Variants in NHSL1 observed in about 807,000 individuals in gnomAD.
The protein encoded by NHSL1 is NHS-like protein 1.
In NHSL1, 48 loss-of-function variants were observed where a neutral mutation model predicts 95.0. The observed-to-expected ratio is 0.51, with a 90% CI of 0.40 to 0.64. NHSL1 has a LOEUF of 0.64. NHSL1 is among the 30% of genes least tolerant of loss of function. NHSL1 has a pLI of 0.00. For synonymous variants in NHSL1, 783 were observed against 833.9 expected (o/e 0.94, Z 1.05); for missense variants, 1,971 against 2,077.7 (o/e 0.95, Z 1.00).
intron 1 of NHSL1, among the ~76,000 whole-genome samples, chr6:138,606,734 A>C (rs1583445829): frequency 1.6e-5 from 2 of 123,452 alleles, no homozygotes; most frequent in Admixed American, 1.1e-4. Flanking sequence ...ACAGAATCTC[A>C]CTCTGTTGCC....
chr6:138,482,176 T>C (rs879542223), intron 2 of NHSL1, among the ~76,000 whole-genome samples: 26 of 152,132 alleles, frequency 1.7e-4, no homozygotes, highest in Non-Finnish European at 3.2e-4. Context: ...AAGCCGGGCG[T>C]GGTGGCTCAC....
At chr6:138,617,531 A>G (rs780171558) in intron 1 of NHSL1, among the ~76,000 whole-genome samples, 1 of 152,220 alleles carries the variant, frequency 6.6e-6, no homozygotes, top group Non-Finnish European at 1.5e-5. Context: ...CCCTCTGTCC[A>G]GTATTTGTAT....
At chr6:138,520,895 T>C (rs1781652224) in intron 1 of NHSL1, among the ~76,000 whole-genome samples, 1 of 152,152 alleles carries the variant, frequency 6.6e-6, no homozygotes, top group Non-Finnish European at 1.5e-5. Flanking sequence ...AATGGGTGGA[T>C]TGGATATAAT....
chr6:138,486,502 G>A (rs2091798610), intron 2 of NHSL1, among the ~76,000 whole-genome samples: 1 of 151,878 alleles, frequency 6.6e-6, no homozygotes, highest in Non-Finnish European at 1.5e-5. Context: ...CCTCATCCTG[G>A]CTAAACTTTC....
chr6:138,616,005 C>T (rs150669624), intron 1 of NHSL1, among the ~76,000 whole-genome samples: 1 of 152,200 alleles, frequency 6.6e-6, no homozygotes, highest in Non-Finnish European at 1.5e-5. Flanking sequence ...GCCTGGGCAA[C>T]ATAGCAAGGC....
intron 1 of NHSL1, among the ~76,000 whole-genome samples, chr6:138,498,510 A>T (rs954855967): frequency 6.6e-6 from 1 of 152,212 alleles, no homozygotes; most frequent in Non-Finnish European, 1.5e-5. Flanking sequence ...TCATTTATCC[A>T]GTATAAGTCA....
chr6:138,516,490 T>C lies in NHSL1; in HGVS notation c.17-20119A>G, dbSNP rs1182335601. Among the ~76,000 whole-genome samples, 5 of 152,318 alleles carry C rather than the reference T, an allele frequency of 3.3e-5. No homozygotes were observed. In the South Asian group the frequency reaches 6.2e-4, roughly 19 times the overall value. On this transcript the variant is annotated intron_variant, in intron 1 of 4. Transcript: ENST00000342260. The stretch of plus-strand genomic sequence containing the variant: ...GATGACAAAGTGGGGTTTGTGGCAA[T>C]GGCTGTGGGAGATATGGCTAGAAAA...
intron 1 of NHSL1, among the ~76,000 whole-genome samples, chr6:138,531,804 T>G (rs1782146419): frequency 6.6e-6 from 1 of 152,214 alleles, no homozygotes; most frequent in Admixed American, 6.5e-5. Context: ...TGAGCCACAA[T>G]ACCTGGCTAA....
chr6:138,423,815 C>CAAAAA lies in NHSL1; in HGVS notation c.*261_*265dup, dbSNP rs56326954. ...GCACACATACACACCCAGCATTTAG[C>CAAAAA]AAAAAAAAAAAAAAAAAAAAAAAAT... On this transcript the variant is annotated 3_prime_UTR_variant, in exon 8 of 8. Transcript: ENST00000343505. 4.2e-4 allele frequency: 59 copies of CAAAAA among 139,100 alleles called. 1 individual carries two copies. Among genetic ancestry groups the CAAAAA allele is most frequent in the African/African-American group, 2.1e-3 (56 of 26,526 alleles). 8.6% of individuals were successfully genotyped at this position (139,100 alleles called of 1,614,324 possible).
intron 1 of NHSL1, among the ~76,000 whole-genome samples, chr6:138,677,715 T>C (rs750502875): frequency 1.3e-5 from 2 of 152,166 alleles, no homozygotes; most frequent in African/African-American, 4.8e-5. Context: ...CCTGGGCCAG[T>C]GGATACTGCA....
intron 1 of NHSL1, among the ~76,000 whole-genome samples, chr6:138,520,027 T>C (rs1406111281): frequency 1.3e-5 from 2 of 152,160 alleles, no homozygotes; most frequent in African/African-American, 4.8e-5. Context: ...CCATAACCGT[T>C]GGCATTCAGT....
intron 1 of NHSL1, among the ~76,000 whole-genome samples, chr6:138,517,812 C>T (rs562211221): frequency 1.2e-4 from 18 of 152,310 alleles, no homozygotes; most frequent in African/African-American, 3.8e-4. Flanking sequence ...GCCACTGAAG[C>T]AGCTCCCAGA....
At chr6:138,519,587 C>T (rs1214256874) in intron 1 of NHSL1, among the ~76,000 whole-genome samples, 2 of 152,152 alleles carry the variant, frequency 1.3e-5, no homozygotes, top group South Asian at 2.1e-4. Context: ...TACATCAACC[C>T]TGTGAGAAAA....
At chr6:138,664,023 C>T (rs1037675634) in intron 1 of NHSL1, among the ~76,000 whole-genome samples, 1 of 152,116 alleles carries the variant, frequency 6.6e-6, no homozygotes, top group Non-Finnish European at 1.5e-5. Flanking sequence ...TTTATCTAGC[C>T]ATCACTGGGC....
chr6:138,673,621 C>T (rs1016204718), intron 1 of NHSL1, among the ~76,000 whole-genome samples: 1 of 152,036 alleles, frequency 6.6e-6, no homozygotes, highest in Non-Finnish European at 1.5e-5. Flanking sequence ...CTTTGGAAAT[C>T]GAACTTGAAA....
upstream of NHSL1, among the ~76,000 whole-genome samples, chr6:138,575,899 C>T (rs1783961993): frequency 6.6e-6 from 1 of 152,164 alleles, no homozygotes; most frequent in South Asian, 2.1e-4. Context: ...TACTTTGTGC[C>T]AAAAGCTTCC....
chr6:138,492,099 G>C (rs1780111480), intron 2 of NHSL1, among the ~76,000 whole-genome samples: 1 of 152,148 alleles, frequency 6.6e-6, no homozygotes, highest in Admixed American at 6.5e-5. Flanking sequence ...CTCTCCAGCT[G>C]TAAATACAAA....
rs1360555171 is a variant in NHSL1, at chr6:138,482,256, T to G, written c.212-8823A>C. ...AGGTCAGGAGTTCAAGACCAGCCTG[T>G]TCAACATGGTGACACTCCATCTCTA... On this transcript the variant is annotated intron_variant, in intron 2 of 7. Coordinates refer to ENST00000343505, the MANE Select transcript of NHSL1 (RefSeq NM_001144060.2). Among the ~76,000 whole-genome samples, 7 of 152,162 alleles carry G rather than the reference T, an allele frequency of 4.6e-5. No individual in the cohort carries two copies. The East Asian group carries it at 1.4e-3, about 29-fold the overall frequency.
chr6:138,528,416 T>C (rs1782000388), intron 1 of NHSL1, among the ~76,000 whole-genome samples: 1 of 152,022 alleles, frequency 6.6e-6, no homozygotes, highest in African/African-American at 2.4e-5. Context: ...AAGTGGAGAG[T>C]GACGATTTAC....
Sources: gnomAD v4.1 joint callset for allele counts (sites outside exome capture counted in the v4.1 genomes callset) on GRCh38, gnomAD v4.1.1 for gene constraint, MANE v1.5 for transcripts, NCBI Gene and HGNC (gene_info 2026-07-23, HGNC 2026-07-21) for gene names.